The following COMMD10 variants were observed in gnomAD, a reference collection of about 807,000 sequenced individuals.
COMMD10 encodes the protein COMM domain-containing protein 10.
Under a neutral mutation model 28.9 loss-of-function variants are expected in COMMD10, and 33 were observed. The observed-to-expected ratio is 1.14, with a 90% confidence interval of 0.87 to 1.53. COMMD10 has a LOEUF of 1.53. COMMD10 is among the 40% of genes most tolerant of loss of function. COMMD10 has a pLI of 0.00. For synonymous variants in COMMD10, 110 were observed against 81.7 expected, an observed-to-expected ratio of 1.35 and a Z score of -1.87; for missense variants, 310 against 233.4, an observed-to-expected ratio of 1.33 and a Z score of -2.14.
At chr5:116,130,111 C>T (rs1310255482) in intron 4 of COMMD10, among the ~76,000 whole-genome samples, 1 of 151,670 alleles carries the variant, frequency 6.6e-6, no homozygotes. Flanking sequence ...TCCATGAATA[C>T]TTTTAGTCAT....
intron 5 of COMMD10, among the ~76,000 whole-genome samples, chr5:116,206,787 A>G (rs1478169668): frequency 2.0e-5 from 3 of 152,244 alleles, no homozygotes; most frequent in Non-Finnish European, 4.4e-5. Flanking sequence ...ATAAACTGCA[A>G]TAAGCAAACC....
chr5:116,120,749 CTTT>C (rs34397720), intron 4 of COMMD10, among the ~76,000 whole-genome samples: 7 of 146,776 alleles, frequency 4.8e-5, no homozygotes, highest in South Asian at 2.1e-4. Flanking sequence ...TGTATTAGTA[CTTT>C]TTTTTTTTTT....
chr5:116,214,993 G>C (rs916635202), intron 5 of COMMD10, among the ~76,000 whole-genome samples: 3 of 151,960 alleles, frequency 2.0e-5, no homozygotes, highest in African/African-American at 4.8e-5. Flanking sequence ...TTTCTCCCCA[G>C]CCTTCTATGC....
intron 5 of COMMD10, among the ~76,000 whole-genome samples, chr5:116,202,155 C>T (rs1267987688): frequency 8.0e-5 from 12 of 150,254 alleles, no homozygotes; most frequent in African/African-American, 1.5e-4. Context: ...TTTGTCCTCG[C>T]GATAGTTTAC....
intron 5 of COMMD10, among the ~76,000 whole-genome samples, chr5:116,264,871 ACATGCAGTCATATAGCTTAC>A (rs1750545280): frequency 6.6e-6 from 1 of 151,888 alleles, no homozygotes; most frequent in African/African-American, 2.4e-5. Flanking sequence ...CATGTAAATG[ACATGCAGTCATATAGCTTAC>A]CATGAATACG....
intron 4 of COMMD10, among the ~76,000 whole-genome samples, chr5:116,123,648 C>A (rs1207234539): frequency 6.6e-6 from 1 of 152,084 alleles, no homozygotes; most frequent in Admixed American, 6.6e-5. Context: ...GGAATGGTAC[C>A]AGCTCCTCCT....
At chr5:116,271,904 A>C (rs904424829) in intron 5 of COMMD10, among the ~76,000 whole-genome samples, 1 of 151,790 alleles carries the variant, frequency 6.6e-6, no homozygotes, top group East Asian at 1.9e-4. Context: ...TTTCGTAACC[A>C]CCAACCTCTC....
At chr5:116,237,802 A>G (rs890176086) in intron 5 of COMMD10, among the ~76,000 whole-genome samples, 4 of 152,192 alleles carry the variant, frequency 2.6e-5, no homozygotes, top group Non-Finnish European at 5.9e-5. Flanking sequence ...GCAAGTTAGC[A>G]GTGGTGTTAA....
intron 5 of COMMD10, among the ~76,000 whole-genome samples, chr5:116,193,273 C>G (rs1053391612): frequency 6.6e-6 from 1 of 152,038 alleles, no homozygotes; most frequent in Non-Finnish European, 1.5e-5. Context: ...AAACAAAGTA[C>G]GCAGGCAACA....
chr5:116,284,412 T>C (rs1751165432), intron 5 of COMMD10, among the ~76,000 whole-genome samples: 1 of 151,846 alleles, frequency 6.6e-6, no homozygotes, highest in Admixed American at 6.6e-5. Context: ...AGTTTTGGCT[T>C]ATGGATGACA....
chr5:116,187,117 A>G (rs1403541723), intron 5 of COMMD10, among the ~76,000 whole-genome samples: 1 of 152,144 alleles, frequency 6.6e-6, no homozygotes. Flanking sequence ...CAAAACAAAA[A>G]ACTTTAAAAA....
intron 5 of COMMD10, among the ~76,000 whole-genome samples, chr5:116,159,986 T>G (rs1752863108): frequency 1.3e-5 from 2 of 152,172 alleles, no homozygotes; most frequent in South Asian, 4.1e-4. Flanking sequence ...CAGGATGGAA[T>G]AGTTATGGAC....
At chr5:116,154,634 A>G (rs1752645843) in intron 5 of COMMD10, among the ~76,000 whole-genome samples, 2 of 152,172 alleles carry the variant, frequency 1.3e-5, no homozygotes, top group South Asian at 4.1e-4. Context: ...AGTGATTTAT[A>G]TGGCAAGTTG....
chr5:116,233,724 G>A (rs530673244), intron 5 of COMMD10, among the ~76,000 whole-genome samples: 2 of 152,260 alleles, frequency 1.3e-5, no homozygotes, highest in East Asian at 3.9e-4. Flanking sequence ...TCCCTGAGAA[G>A]AAAGTGAGCT....
At chr5:116,104,518 T>A (rs954275286) in intron 4 of COMMD10, among the ~76,000 whole-genome samples, 5 of 152,228 alleles carry the variant, frequency 3.3e-5, no homozygotes, top group African/African-American at 1.2e-4. Flanking sequence ...TTTGCTGAAG[T>A]TGCTCATCAT....
At chr5:116,259,809 G>C (rs74368266) in intron 5 of COMMD10, among the ~76,000 whole-genome samples, 7 of 151,370 alleles carry the variant, frequency 4.6e-5, no homozygotes, top group Non-Finnish European at 7.4e-5. Context: ...CTCTAATCTG[G>C]GACTCTCCAT....
intron 5 of COMMD10, among the ~76,000 whole-genome samples, chr5:116,230,504 G>C (rs565311684): frequency 6.6e-6 from 1 of 151,840 alleles, no homozygotes; most frequent in Non-Finnish European, 1.5e-5. Flanking sequence ...ATAAATACCT[G>C]CTGAATTAAG....
At chr5:116,179,248 A>G (rs1037907379) in intron 5 of COMMD10, among the ~76,000 whole-genome samples, 6 of 152,280 alleles carry the variant, frequency 3.9e-5, no homozygotes, top group South Asian at 2.1e-4. Context: ...TATTAAGACT[A>G]TAAGTGTTGT....
intron 4 of COMMD10, among the ~76,000 whole-genome samples, chr5:116,114,401 T>C (rs1247623165): frequency 2.0e-5 from 3 of 151,706 alleles, no homozygotes. Context: ...GTGTTGGGAG[T>C]GATTGCAATT....
Sources: gnomAD v4.1 joint callset for allele counts (sites outside exome capture counted in the v4.1 genomes callset) on GRCh38, gnomAD v4.1.1 for gene constraint, MANE v1.5 for transcripts, NCBI Gene and HGNC (gene_info 2026-07-23, HGNC 2026-07-21) for gene names.